Variants in HDX observed in about 807,000 individuals in gnomAD.
HDX encodes the protein highly divergent homeobox, also known as chromosome X open reading frame 43.
In HDX, 19 loss-of-function variants were observed where a neutral mutation model predicts 45.2. The observed-to-expected ratio is 0.42, with a 90% CI of 0.29 to 0.62. HDX has a LOEUF of 0.62. HDX is among the 20% of genes least tolerant of loss of function. The probability of loss-of-function intolerance (pLI) is 0.20; values close to 1 mark genes in which losing one functional copy is unlikely to be tolerated. For synonymous variants in HDX, 188 were observed against 172.8 expected, an observed-to-expected ratio of 1.09 and a Z score of -0.69; for missense variants, 532 against 493.9, an observed-to-expected ratio of 1.08 and a Z score of -0.73.
At chrX:84,489,697 GT>G (rs1270195803) in intron 1 of HDX, among the ~76,000 whole-genome samples, 1 of 112,150 alleles carries the variant, frequency 8.9e-6, no homozygotes, top group Non-Finnish European at 1.9e-5. Context: ...GAGGGAGAGA[GT>G]TCCTTCTCTG....
At chrX:84,482,308 T>C (rs1420425070) in intron 2 of HDX, among the ~76,000 whole-genome samples, 1 of 111,827 alleles carries the variant, frequency 8.9e-6, no homozygotes, top group Admixed American at 9.5e-5. Context: ...GGGATTGTAT[T>C]AGTCCATTCT....
chrX:84,328,202 A>AAT (rs141467072), intron 9 of HDX, among the ~76,000 whole-genome samples: 31,356 of 107,175 alleles, frequency 0.29, 4,366 homozygotes, highest in Admixed American at 0.44. Flanking sequence ...CTACCAAAAA[A>AAT]ATATATATAT....
At chrX:84,354,930 CATATATATATATATATATATAT>C (rs72331919) in intron 6 of HDX, among the ~76,000 whole-genome samples, 27 of 74,830 alleles carry the variant, frequency 3.6e-4, no homozygotes, top group South Asian at 2.8e-3. Context: ...CACACACACA[CATATATATATATATATATATAT>C]ATATATATAT....
At position 84,449,945 on chromosome X, in the gene HDX, C is replaced by T. The variant is rs1444852685; in HGVS notation, c.1252-9360G>A. ...ACACAGGAAGGGGATCATCACACACCGGGCCTGTTGTGGGGTGGGGGGAAG... is the reference window on the plus strand; with the variant it reads ...ACACAGGAAGGGGATCATCACACACTGGGCCTGTTGTGGGGTGGGGGGAAG... On this transcript the variant is annotated intron_variant, in intron 4 of 10. Transcript: ENST00000373177. Among the ~76,000 whole-genome samples, 5 of 107,490 alleles carry T rather than the reference C, an allele frequency of 4.7e-5. No individual in the cohort carries two copies. In the South Asian group the frequency reaches 1.3e-3, roughly 27 times the overall value. 93.3% of individuals were successfully genotyped at this position (107,490 alleles called of 115,157 possible).
intron 5 of HDX, among the ~76,000 whole-genome samples, chrX:84,366,899 G>T (rs2037770373): frequency 8.9e-6 from 1 of 111,965 alleles, no homozygotes; most frequent in African/African-American, 3.2e-5. Context: ...AAAAACTACA[G>T]AAGAAAACCT....
intron 7 of HDX, among the ~76,000 whole-genome samples, chrX:84,340,734 T>C (rs1022170410): frequency 1.8e-5 from 2 of 111,212 alleles, no homozygotes; most frequent in African/African-American, 3.3e-5. Flanking sequence ...TATTTGAAAA[T>C]GATTTTATGC....
intron 5 of HDX, among the ~76,000 whole-genome samples, chrX:84,363,772 T>C (rs1489762996): frequency 2.7e-5 from 3 of 112,300 alleles, no homozygotes; most frequent in Non-Finnish European, 5.6e-5. Flanking sequence ...ATGAATTTTT[T>C]CCCAGGGAAG....
chrX:84,452,576 C>T (rs2040025275), intron 4 of HDX, among the ~76,000 whole-genome samples: 2 of 109,064 alleles, frequency 1.8e-5, no homozygotes, highest in Admixed American at 2.0e-4. Flanking sequence ...ATCTCATTAC[C>T]TGACTTGAAA....
At chrX:84,360,372 A>T (rs1311444808) in intron 6 of HDX, among the ~76,000 whole-genome samples, 1 of 112,203 alleles carries the variant, frequency 8.9e-6, no homozygotes, top group Non-Finnish European at 1.9e-5. Flanking sequence ...ATTATATGAG[A>T]TATATTTCAA....
At chrX:84,369,984 T>C (rs1195022293) in intron 5 of HDX, among the ~76,000 whole-genome samples, 1 of 112,172 alleles carries the variant, frequency 8.9e-6, no homozygotes, top group African/African-American at 3.2e-5. Flanking sequence ...TGGTCAAACA[T>C]TATTCTGGGT....
chrX:84,470,708 T>C (rs1208777255), intron 3 of HDX, among the ~76,000 whole-genome samples: 1 of 111,859 alleles, frequency 8.9e-6, no homozygotes, highest in Non-Finnish European at 1.9e-5. Flanking sequence ...TTAATGTAAG[T>C]AATTTATTAT....
At chrX:84,380,177 C>T (rs2147900742) in intron 5 of HDX, among the ~76,000 whole-genome samples, 1 of 108,780 alleles carries the variant, frequency 9.2e-6, no homozygotes, top group East Asian at 2.9e-4. Context: ...CAAAGATATC[C>T]AAAACCCAAA....
chrX:84,356,568 A>G (rs2037488407), intron 6 of HDX, among the ~76,000 whole-genome samples: 1 of 108,572 alleles, frequency 9.2e-6, no homozygotes, highest in South Asian at 4.0e-4. Flanking sequence ...TGTGCCTAAA[A>G]TCTCTTGATA....
chrX:84,475,804 G>A (rs568749376), intron 2 of HDX, among the ~76,000 whole-genome samples: 2 of 111,474 alleles, frequency 1.8e-5, no homozygotes, highest in Non-Finnish European at 3.8e-5. Flanking sequence ...TGTCAAGCAA[G>A]GCATCTGGCA....
At chrX:84,463,017 A>C (rs2040272193) in intron 4 of HDX, among the ~76,000 whole-genome samples, 1 of 111,036 alleles carries the variant, frequency 9.0e-6, no homozygotes, top group African/African-American at 3.3e-5. Context: ...GCTTAGTGCC[A>C]GGATAGGGGA....
At chrX:84,358,257 C>T (rs1350943306) in intron 6 of HDX, among the ~76,000 whole-genome samples, 1 of 111,658 alleles carries the variant, frequency 9.0e-6, no homozygotes, top group Admixed American at 9.5e-5. Flanking sequence ...TCAACTCGGG[C>T]TATTGCAAAA....
intron 5 of HDX, among the ~76,000 whole-genome samples, chrX:84,424,675 AT>A (rs747001420): frequency 1.8e-5 from 2 of 111,380 alleles, no homozygotes; most frequent in Non-Finnish European, 1.9e-5. Context: ...CAGGGAACTC[AT>A]TTTTGACAAA....
intron 4 of HDX, among the ~76,000 whole-genome samples, chrX:84,447,361 G>A (rs772921315): frequency 1.8e-5 from 2 of 111,496 alleles, no homozygotes; most frequent in Admixed American, 9.5e-5. Flanking sequence ...AAGGAGAGGG[G>A]AGCAAAGCAG....
chrX:84,324,352 C>T (rs2036663965), intron 10 of HDX, among the ~76,000 whole-genome samples: 1 of 111,389 alleles, frequency 9.0e-6, no homozygotes, highest in African/African-American at 3.2e-5. Context: ...CAGAAATAAA[C>T]CTATAAATAT....
Sources: allele counts gnomAD v4.1 joint callset (sites outside exome capture counted in the v4.1 genomes callset), GRCh38; gene constraint gnomAD v4.1.1; transcripts MANE v1.5; gene names NCBI Gene and HGNC (gene_info 2026-07-23, HGNC 2026-07-21).